The following SORCS1 variants were observed in gnomAD, a reference collection of about 807,000 sequenced individuals.
SORCS1 encodes the protein sortilin related VPS10 domain containing receptor 1.
A neutral mutation model predicts 146.1 loss-of-function variants in SORCS1; 60 were observed. The observed-to-expected ratio is 0.41, with a 90% CI of 0.33 to 0.51. The LOEUF is 0.51. SORCS1 is among the 20% of genes least tolerant of loss of function. SORCS1 has a pLI of 0.21. For missense variants in SORCS1, 1,352 were observed against 1,487.6 expected (o/e 0.91, Z 1.50); for synonymous variants, 637 against 584.0 (o/e 1.09, Z -1.31).
In SORCS1 at chr10:107,098,900, C is replaced by T. The variant is rs374877002; in HGVS notation, c.558+65069G>A. ...AGGCACAAGGTCACTAAGTAAATGG[C>T]AGACATAGGACCAGAACTCAGATCT... On this transcript the variant is annotated intron_variant, in intron 1 of 25. Coordinates refer to ENST00000263054, the MANE Select transcript of SORCS1 (RefSeq NM_052918.5). Among the ~76,000 whole-genome samples, 129 of 152,264 alleles carry T rather than the reference C, an allele frequency of 8.5e-4. 1 individual carries two copies. The highest frequency in any genetic ancestry group is 2.9e-3 in the African/African-American group (120 of 41,546).
At chr10:106,665,456 C>G (rs1851061264) in intron 17 of SORCS1, among the ~76,000 whole-genome samples, 1 of 151,104 alleles carries the variant, frequency 6.6e-6, no homozygotes, top group South Asian at 2.1e-4. Flanking sequence ...CTCCTGGACC[C>G]AAACGATCCT....
At chr10:106,685,819 A>G (rs1315621027) in intron 10 of SORCS1, among the ~76,000 whole-genome samples, 2 of 152,180 alleles carry the variant, frequency 1.3e-5, no homozygotes, top group Admixed American at 1.3e-4. Flanking sequence ...AGGTTTAAGG[A>G]AAGAAGGGAT....
At chr10:106,916,522 A>G (rs1481953614) in intron 2 of SORCS1, among the ~76,000 whole-genome samples, 1 of 148,094 alleles carries the variant, frequency 6.8e-6, no homozygotes, top group Non-Finnish European at 1.5e-5. Flanking sequence ...TATGTATTAT[A>G]TATAATTATG....
chr10:106,884,791 G>A (rs1950932950), intron 2 of SORCS1, among the ~76,000 whole-genome samples: 1 of 152,046 alleles, frequency 6.6e-6, no homozygotes, highest in Non-Finnish European at 1.5e-5. Context: ...CCAATAGTTA[G>A]AATTTTTTTT....
At chr10:107,168,653 T>C (rs998883043), upstream of SORCS1, among the ~76,000 whole-genome samples, 2 of 145,136 alleles carry the variant, frequency 1.4e-5, no homozygotes, top group Non-Finnish European at 3.0e-5. Flanking sequence ...AGTTTAAATG[T>C]ACCAGCTCAT....
intron 1 of SORCS1, among the ~76,000 whole-genome samples, chr10:107,052,769 AT>A (rs906830850): frequency 9.9e-5 from 15 of 152,004 alleles, no homozygotes; most frequent in African/African-American, 2.2e-4. Context: ...TATAATGGGA[AT>A]TTTTTTTCAT....
chr10:106,758,070 A>C (rs565314128), intron 5 of SORCS1, among the ~76,000 whole-genome samples: 1 of 152,234 alleles, frequency 6.6e-6, no homozygotes, highest in African/African-American at 2.4e-5. Context: ...TATTTATTTT[A>C]CTTAACACAT....
At chr10:106,699,805 T>C (rs1054239007) in intron 8 of SORCS1, among the ~76,000 whole-genome samples, 1 of 152,144 alleles carries the variant, frequency 6.6e-6, no homozygotes, top group Non-Finnish European at 1.5e-5. Flanking sequence ...AGACAAACCC[T>C]GCATGTCTCA....
chr10:106,584,394 C>T (rs1403909576), intron 24 of SORCS1, among the ~76,000 whole-genome samples: 1 of 152,154 alleles, frequency 6.6e-6, no homozygotes. Flanking sequence ...AATTGGGAGG[C>T]CATTAGACTG....
intron 3 of SORCS1, among the ~76,000 whole-genome samples, chr10:106,789,655 A>G (rs1946220651): frequency 6.6e-6 from 1 of 152,194 alleles, no homozygotes; most frequent in African/African-American, 2.4e-5. Flanking sequence ...GGTCAAAACC[A>G]TTCACCAATC....
intron 4 of SORCS1, among the ~76,000 whole-genome samples, chr10:106,773,714 C>T (rs907706523): frequency 6.6e-5 from 10 of 152,132 alleles, no homozygotes; most frequent in African/African-American, 2.2e-4. Flanking sequence ...CTTTGGGAGG[C>T]CAAGGTGGGT....
rs141376893 is a variant in SORCS1 at position 107,119,554 on chromosome 10, A to T, written c.558+44415T>A. Among the ~76,000 whole-genome samples the T allele has an allele frequency of 6.0e-3, 910 of 152,288 alleles. 9 individuals are homozygous for T. The highest frequency in any genetic ancestry group is 0.021 in the African/African-American group (852 of 41,540). ...GATTTTTGTTTTATTAGGAAAATGG[A>T]GAGTATTGTACCTATATGCAGTGTT... is the stretch of plus-strand genomic sequence containing the variant. On this transcript the variant is annotated intron_variant, in intron 1 of 25. Transcript: ENST00000263054.
At chr10:106,895,815 T>C (rs1366605080) in intron 2 of SORCS1, among the ~76,000 whole-genome samples, 1 of 152,138 alleles carries the variant, frequency 6.6e-6, no homozygotes, top group Non-Finnish European at 1.5e-5. Context: ...AAAGGGATAT[T>C]TGCATGCCCA....
At chr10:106,629,905 G>A (rs370607289) in intron 18 of SORCS1, among the ~76,000 whole-genome samples, 10 of 152,146 alleles carry the variant, frequency 6.6e-5, no homozygotes, top group South Asian at 2.1e-4. Flanking sequence ...TTAGCTGGGC[G>A]TGGTGGCGCA....
At chr10:106,782,627 G>A (rs1860984561) in intron 3 of SORCS1, among the ~76,000 whole-genome samples, 1 of 152,174 alleles carries the variant, frequency 6.6e-6, no homozygotes, top group African/African-American at 2.4e-5. Flanking sequence ...CTTGGAAGAT[G>A]ATTCAAAAAA....
intron 2 of SORCS1, among the ~76,000 whole-genome samples, chr10:106,919,164 A>G (rs1448270165): frequency 2.0e-5 from 3 of 152,228 alleles, no homozygotes; most frequent in Non-Finnish European, 4.4e-5. Context: ...AATGTCTTCT[A>G]CAGTACAGAC....
At chr10:107,140,004 G>A (rs1170893629) in intron 1 of SORCS1, among the ~76,000 whole-genome samples, 15 of 152,114 alleles carry the variant, frequency 9.9e-5, no homozygotes, top group Admixed American at 3.3e-4. Flanking sequence ...AGGTTCATGG[G>A]CCTCCAGTGA....
intron 1 of SORCS1, among the ~76,000 whole-genome samples, chr10:107,043,646 C>A (rs1009836649): frequency 3.9e-5 from 6 of 152,126 alleles, no homozygotes; most frequent in Admixed American, 6.5e-5. Context: ...TCAAGGTCAT[C>A]ATGGCCCCCA....
intron 19 of SORCS1, among the ~76,000 whole-genome samples, chr10:106,624,855 C>T (rs1847992376): frequency 6.6e-6 from 1 of 152,198 alleles, no homozygotes; most frequent in African/African-American, 2.4e-5. Context: ...ATACCTGGTT[C>T]CTGCTATCCA....
Sources: allele counts gnomAD v4.1 joint callset (sites outside exome capture counted in the v4.1 genomes callset), GRCh38; gene constraint gnomAD v4.1.1; transcripts MANE v1.5; gene names NCBI Gene and HGNC (gene_info 2026-07-23, HGNC 2026-07-21).